Variants in TMEM233 observed in about 807,000 individuals in gnomAD.
The protein encoded by TMEM233 is transmembrane protein 233.
In TMEM233, 6 loss-of-function variants were observed where a neutral mutation model predicts 11.2. The observed-to-expected ratio is 0.54, with a 90% CI of 0.29 to 1.06. TMEM233 has a LOEUF of 1.06. Ranked by LOEUF, TMEM233 falls within the 50% of genes least tolerant of loss-of-function variation. The pLI, the probability that TMEM233 is intolerant of heterozygous loss-of-function variation, is 0.08. For missense variants in TMEM233, 127 were observed against 144.7 expected (o/e 0.88, Z 0.63); for synonymous variants, 59 against 55.8 (o/e 1.06, Z -0.26).
At position 119,641,807 on chromosome 12, in the gene TMEM233, A is replaced by G. The variant is rs1221809105; in HGVS notation, c.*1102A>G. ...GTTTCCCCTTTTCTATTCTTTTTTCATCCTGATTACAGCAAGGAAAAAGTC... is the reference window on the plus strand; with the variant it reads ...GTTTCCCCTTTTCTATTCTTTTTTCGTCCTGATTACAGCAAGGAAAAAGTC... On this transcript the variant is annotated 3_prime_UTR_variant, in exon 3 of 3. Coordinates refer to ENST00000426426, the MANE Select transcript of TMEM233 (RefSeq NM_001136534.3). 6.6e-6 allele frequency: 1 copy of G among 152,130 alleles called. No homozygotes were observed. The highest frequency in any genetic ancestry group is 1.5e-5 in the Non-Finnish European group (1 of 68,018). 9.4% of individuals were successfully genotyped at this position (152,130 alleles called of 1,614,324 possible). A position where few individuals can be genotyped will look rare whatever the true frequency, so the allele number is the denominator to read the frequency against.
At chr12:119,640,569 G>A in intron 2 of TMEM233, 130 bp from the exon 3 acceptor site, 1 of 981,572 alleles carries the variant, frequency 1.0e-6, no homozygotes. Context: ...GTGCACGCAG[G>A]CTGGTACATT....
chr12:119,634,981 T>C (rs1309766538), intron 2 of TMEM233, among the ~76,000 whole-genome samples: 1 of 152,236 alleles, frequency 6.6e-6, no homozygotes, highest in Admixed American at 6.5e-5. Context: ...GAATCGTGCA[T>C]TGACAGCAGG....
At position 119,594,912 on chromosome 12, in the gene TMEM233, T is replaced by C. The variant is rs116521004; in HGVS notation, c.186+878T>C. Among the ~76,000 whole-genome samples, 3,703 of 152,084 alleles carry C rather than the reference T, an allele frequency of 0.024. 145 individuals are homozygous for C. The highest frequency in any genetic ancestry group is 0.084 in the African/African-American group (3,481 of 41,522). On this transcript the variant is annotated intron_variant, in intron 1 of 2. Transcript: ENST00000426426. This position sits in a 1 kb window ranked among gnomAD's most constrained non-coding sequence, Gnocchi z 5.6. Reference sequence around the variant, plus strand: ...CTCTTCTCTTGGTGTCCCCCAGAGCTCCCAGGCGCCCCTCCACCGCTCTGT... The same window carrying C: ...CTCTTCTCTTGGTGTCCCCCAGAGCCCCCAGGCGCCCCTCCACCGCTCTGT...
chr12:119,601,384 C>A (rs112809346), intron 1 of TMEM233, among the ~76,000 whole-genome samples: 4,526 of 152,146 alleles, frequency 0.03, 231 homozygotes, highest in African/African-American at 0.1. Context: ...AGGCCAGGTG[C>A]GGTGGCTCAA....
At position 119,624,194 on chromosome 12, in the gene TMEM233, T is replaced by TAA. The variant is rs199789657; in HGVS notation, c.187-5533_187-5532dup. Among the ~76,000 whole-genome samples the TAA allele has an allele frequency of 3.2e-3, 470 of 147,356 alleles. 2 individuals carry two copies. The highest frequency in any genetic ancestry group is 5.5e-3 in the Non-Finnish European group (368 of 66,582). ...GCAAAACCCCATCTCTACCAAAAAT[T>TAA]AAAAAAAAAACAAAAATTAGCTGGG... On this transcript the variant is annotated intron_variant, in intron 1 of 2. Transcript: ENST00000426426.
chr12:119,625,216 G>A (rs917734390), intron 1 of TMEM233, among the ~76,000 whole-genome samples: 4 of 152,174 alleles, frequency 2.6e-5, no homozygotes, highest in Non-Finnish European at 5.9e-5. Flanking sequence ...TCTCTGGCTT[G>A]TAATTGTCTG....
At chr12:119,633,598 A>T (rs1954925605) in intron 2 of TMEM233, among the ~76,000 whole-genome samples, 1 of 152,118 alleles carries the variant, frequency 6.6e-6, no homozygotes, top group Non-Finnish European at 1.5e-5. Context: ...AAAACTAAAT[A>T]AATAAATTTT....
chr12:119,602,000 C>T (rs889017238), intron 1 of TMEM233, among the ~76,000 whole-genome samples: 3 of 152,180 alleles, frequency 2.0e-5, no homozygotes, highest in Admixed American at 1.3e-4. Flanking sequence ...GGATGGTTGG[C>T]CTGAAGGCTT....
intron 1 of TMEM233, among the ~76,000 whole-genome samples, chr12:119,614,030 T>A (rs1223366256): frequency 6.6e-6 from 1 of 151,798 alleles, no homozygotes; most frequent in Non-Finnish European, 1.5e-5. Flanking sequence ...GGGCCACTCC[T>A]GCAGGGTTGG....
At chr12:119,609,429 A>C (rs984539117) in intron 1 of TMEM233, among the ~76,000 whole-genome samples, 1 of 152,256 alleles carries the variant, frequency 6.6e-6, no homozygotes, top group Non-Finnish European at 1.5e-5. Flanking sequence ...AATTTGCATA[A>C]GTAACCAGGA....
intron 1 of TMEM233, among the ~76,000 whole-genome samples, chr12:119,602,292 A>G (rs779545392): frequency 6.6e-6 from 1 of 152,206 alleles, no homozygotes; most frequent in Non-Finnish European, 1.5e-5. Flanking sequence ...GTCTTGGTGC[A>G]GGCAACTGAT....
intron 1 of TMEM233, among the ~76,000 whole-genome samples, chr12:119,605,054 A>G (rs979344141): frequency 7.7e-6 from 1 of 130,460 alleles, no homozygotes; most frequent in African/African-American, 3.0e-5. Context: ...TGTTTCCTTT[A>G]CCCTTTGTAT....
intron 2 of TMEM233, among the ~76,000 whole-genome samples, chr12:119,637,503 T>G (rs1344548688): frequency 6.6e-6 from 1 of 152,200 alleles, no homozygotes; most frequent in African/African-American, 2.4e-5. Flanking sequence ...TGCATCAGAA[T>G]TGGAAGGAGA....
chr12:119,643,598 C>G (rs1000814822), downstream of TMEM233, among the ~76,000 whole-genome samples: 1 of 152,042 alleles, frequency 6.6e-6, no homozygotes, highest in Admixed American at 6.5e-5. Flanking sequence ...GAAACCCAGT[C>G]TCTACTAAAA....
At chr12:119,630,981 A>G (rs1954868414) in intron 2 of TMEM233, 1 of 152,220 alleles carries the variant, frequency 6.6e-6, no homozygotes, top group Non-Finnish European at 1.5e-5. Flanking sequence ...GGACTGGGAC[A>G]AATTTATTCT....
chr12:119,622,512 C>G, intron 1 of TMEM233, among the ~76,000 whole-genome samples: 1 of 152,200 alleles, frequency 6.6e-6, no homozygotes, highest in Non-Finnish European at 1.5e-5. Flanking sequence ...TGCATTTTCT[C>G]TAAAATCCAT....
At chr12:119,639,001 A>C (rs1593313823) in intron 2 of TMEM233, among the ~76,000 whole-genome samples, 1 of 148,370 alleles carries the variant, frequency 6.7e-6, no homozygotes, top group African/African-American at 2.5e-5. Context: ...TCTCCCTTTC[A>C]CTCCCTCCAC....
rs890033137 is a variant in TMEM233 at position 119,637,608 on chromosome 12, G to T, written c.324-3091G>T. On this transcript the variant is annotated intron_variant, in intron 2 of 2. Transcript: ENST00000426426. ...TTTTGGCTGGGGAAAGGCTTTCTGG[G>T]AATTGTTTTGATCAGAGAATTTTTG... Among the ~76,000 whole-genome samples, 6 of 152,276 alleles carry T rather than the reference G, an allele frequency of 3.9e-5. No individual in the cohort carries two copies. The East Asian group carries it at 9.6e-4, about 24-fold the overall frequency.
At chr12:119,629,594 T>C (rs1954836045) in intron 1 of TMEM233, 142 bp from the exon 2 acceptor site, 1 of 761,806 alleles carries the variant, frequency 1.3e-6, no homozygotes, top group East Asian at 2.8e-5. Context: ...GATGACTGTG[T>C]TGTTTGCTTA....
Sources: allele counts gnomAD v4.1 joint callset (sites outside exome capture counted in the v4.1 genomes callset), GRCh38; gene constraint gnomAD v4.1.1; non-coding constraint Gnocchi (gnomAD v3.1); transcripts MANE v1.5; gene names NCBI Gene and HGNC (gene_info 2026-07-23, HGNC 2026-07-21).